Variants in ZNF546 observed in about 807,000 individuals in gnomAD.
ZNF546 encodes the protein zinc finger protein 546.
In ZNF546, 60 loss-of-function variants were observed where a neutral mutation model predicts 76.2. The ratio of observed to expected loss-of-function variants is 0.79; its 90% CI spans 0.64 to 0.98. The LOEUF is 0.98. Among genes scored for constraint, ZNF546 ranks in the 50% least tolerant of loss-of-function variants. ZNF546 has a pLI of 0.00. For missense variants in ZNF546, 936 were observed against 1,035.6 expected (o/e 0.90, Z 1.32); for synonymous variants, 277 against 328.1 (o/e 0.84, Z 1.68).
rs1186230239 is a variant in ZNF546 at position 40,017,966 on chromosome 19, C to CTTTTTTTTTTT, written c.*2204_*2214dup. 9 of 63,086 alleles carry CTTTTTTTTTTT rather than the reference C, an allele frequency of 1.4e-4. 2 individuals carry two copies. Among genetic ancestry groups the CTTTTTTTTTTT allele is most frequent in the Non-Finnish European group, 2.4e-4 (8 of 32,742 alleles). The allele number at this position is 63,086 out of a possible 1,614,324, so 3.9% of individuals were successfully genotyped here. A position where few individuals can be genotyped will look rare whatever the true frequency, so the allele number is the denominator to read the frequency against. ...CCCCACAACTTTATTGCAACATTGA[C>CTTTTTTTTTTT]TTTTTTTTTTTTTTTTTTTTTTTTT... On this transcript the variant is annotated 3_prime_UTR_variant, in exon 7 of 7. Transcript: ENST00000347077.
chr19:40,003,109 C>T (rs1971552219), intron 3 of ZNF546, among the ~76,000 whole-genome samples: 1 of 147,806 alleles, frequency 6.8e-6, no homozygotes, highest in South Asian at 2.1e-4. Flanking sequence ...AATCTCGGCT[C>T]ACTGCAAGCT....
At chr19:40,000,634 GAAAA>G (rs888690300) in intron 3 of ZNF546, among the ~76,000 whole-genome samples, 1 of 143,150 alleles carries the variant, frequency 7.0e-6, no homozygotes, top group Non-Finnish European at 1.5e-5. Flanking sequence ...AAAAAAAAAA[GAAAA>G]AGAAAAAGAA....
chr19:40,015,764 G>T lies in ZNF546; in HGVS notation c.2494G>T (p.Val832Phe). ...TCAGAGAAATCATATTAGTGAGGAAGTCCTATGCATAATGTAAAGAGAATA... is the reference window on the plus strand; with the variant it reads ...TCAGAGAAATCATATTAGTGAGGAATTCCTATGCATAATGTAAAGAGAATA... ...LHQRNHISEE[V>F]LCIM Residue 832 changes from valine (V) to phenylalanine (F), a missense_variant, in exon 7 of 7, where the codon GTC becomes TTC. Physicochemically the swap from Val to Phe is conservative, Grantham distance 50. Coordinates refer to ENST00000347077, the MANE Select transcript of ZNF546 (RefSeq NM_178544.5). 2 of 1,612,604 alleles carry T rather than the reference G, an allele frequency of 1.2e-6. No individual in the cohort carries two copies. The highest frequency in any genetic ancestry group is 1.7e-6 in the Non-Finnish European group (2 of 1,179,026).
chr19:40,008,639 A>T, intron 6 of ZNF546, 74 bp downstream of exon 6: 1 of 1,222,940 alleles, frequency 8.2e-7, no homozygotes, highest in South Asian at 1.4e-5. Context: ...GAGGCACAGC[A>T]CTGAGTTGTT....
chr19:40,014,444 A>C lies in ZNF546; in HGVS notation c.1174A>C (p.Lys392Gln), dbSNP rs1261922248. The C allele has an allele frequency of 6.2e-7, 1 of 1,614,168 alleles. No individual in the cohort carries two copies. Among genetic ancestry groups the C allele is most frequent in the East Asian group, 2.2e-5 (1 of 44,880 alleles). The change falls in exon 7 of 7, where the codon AAG becomes CAG. Residue 392 changes from lysine to glutamine, a missense_variant. Lys to Gln is a moderately conservative substitution (Grantham distance 53). Transcript: ENST00000347077. ...ACCCTATAAATGTAATGAATGTGGG[A>C]AGGCCTTTAGTCATGGCTCATACCT... ...VKPYKCNECG[K>Q]AFSHGSYLVQ...
chr19:40,011,797 C>T (rs1971674910), intron 6 of ZNF546, among the ~76,000 whole-genome samples: 1 of 152,220 alleles, frequency 6.6e-6, no homozygotes, highest in Non-Finnish European at 1.5e-5. Context: ...TCTTGGCATT[C>T]CTTGGCTTGC....
At chr19:40,013,518 C>T (rs1971697620) in intron 6 of ZNF546, 147 bp from the exon 7 acceptor site, 1 of 759,864 alleles carries the variant, frequency 1.3e-6, no homozygotes, top group Admixed American at 3.3e-5. Flanking sequence ...TTGAATCCTG[C>T]TCTAAACCAT....
At chr19:40,009,009 AGG>A (rs1971639892) in intron 6 of ZNF546, among the ~76,000 whole-genome samples, 1 of 152,226 alleles carries the variant, frequency 6.6e-6, no homozygotes, top group Non-Finnish European at 1.5e-5. Flanking sequence ...TATTATAGTA[AGG>A]GAAACATGTT....
At chr19:40,002,324 CTTTA>C (rs1481348010) in intron 3 of ZNF546, among the ~76,000 whole-genome samples, 1 of 152,068 alleles carries the variant, frequency 6.6e-6, no homozygotes, top group Non-Finnish European at 1.5e-5. Flanking sequence ...TCTTAATATG[CTTTA>C]ATAGCCACTT....
rs766174787 is a variant in ZNF546, at chr19:40,015,789, A to G, written c.*8A>G. On this transcript the variant is annotated 3_prime_UTR_variant, in exon 7 of 7. Transcript: ENST00000347077. ...GTCCTATGCATAATGTAAAGAGAAT[A>G]CGATGGCCTTTAGAAAATGCCCTTT... The G allele has an allele frequency of 1.2e-6, 2 of 1,611,606 alleles. No individual in the cohort carries two copies. Among genetic ancestry groups the G allele is most frequent in the African/African-American group, 2.7e-5 (2 of 74,812 alleles).
chr19:40,000,245 A>G (rs1971510655), intron 3 of ZNF546, among the ~76,000 whole-genome samples: 1 of 152,200 alleles, frequency 6.6e-6, no homozygotes, highest in Non-Finnish European at 1.5e-5. Flanking sequence ...CTTTTACAGG[A>G]CATAGCAATA....
chr19:40,003,281 C>G (rs1971555260), intron 3 of ZNF546, among the ~76,000 whole-genome samples: 1 of 151,956 alleles, frequency 6.6e-6, no homozygotes, highest in African/African-American at 2.4e-5. Context: ...TCGTGATCTG[C>G]CTGCCTCGGC....
rs1971715670 is a variant in ZNF546, at chr19:40,014,215, C to CT, written c.945_946insT (p.Leu316SerfsTer2). 5 of 1,612,856 alleles carry CT rather than the reference C, an allele frequency of 3.1e-6. No homozygotes were observed. The East Asian group carries it at 1.1e-4, about 36-fold the overall frequency. ...GGAAAGCCTTTAGTCGTGTTAGAGA[C>CT]CTTAGAGTACATCAGACAATTCATG... is the stretch of plus-strand genomic sequence containing the variant. On this transcript the variant is annotated frameshift_variant, in exon 7 of 7. Transcript: ENST00000347077. LOFTEE classifies it high-confidence loss of function.
intron 6 of ZNF546, among the ~76,000 whole-genome samples, chr19:40,010,617 AATTTATCATCC>A (rs1337672815): frequency 6.6e-6 from 1 of 152,122 alleles, no homozygotes; most frequent in Non-Finnish European, 1.5e-5. Flanking sequence ...TTTTATTCTT[AATTTATCATCC>A]ATATATCTTC....
At chr19:39,999,125 T>C (rs1287118174) in intron 3 of ZNF546, among the ~76,000 whole-genome samples, 1 of 152,228 alleles carries the variant, frequency 6.6e-6, no homozygotes, top group South Asian at 2.1e-4. Flanking sequence ...TAAAGACATT[T>C]AACAAGCATT....
chr19:40,014,333 A>G lies in ZNF546; in HGVS notation c.1063A>G (p.Arg355Gly), dbSNP rs1204532266. 2 of 1,614,100 alleles carry G rather than the reference A, an allele frequency of 1.2e-6. No homozygotes were observed. Among genetic ancestry groups the G allele is most frequent in the East Asian group, 2.2e-5 (1 of 44,858 alleles). ...TEHQRIHTGE[R>G]PYECKVCGKT... ...ACATCAAAGAATTCATACTGGTGAG[A>G]GGCCTTATGAATGTAAGGTTTGTGG... Residue 355 changes from arginine to glycine, a missense_variant, in exon 7 of 7, where the codon AGG becomes GGG. Physicochemically the swap from Arg to Gly is moderately radical, Grantham distance 125. Transcript: ENST00000347077.
intron 6 of ZNF546, among the ~76,000 whole-genome samples, chr19:40,010,274 G>T (rs946137920): frequency 6.6e-6 from 1 of 151,950 alleles, no homozygotes; most frequent in African/African-American, 2.4e-5. Flanking sequence ...ATAGTGACAG[G>T]CATCTGTAAT....
chr19:40,010,694 T>G (rs1039721980), intron 6 of ZNF546, among the ~76,000 whole-genome samples: 17 of 152,126 alleles, frequency 1.1e-4, no homozygotes. Context: ...CTTTCTTTCT[T>G]TTTTTTGAAA....
rs920812810 is a variant in ZNF546 at position 40,017,010 on chromosome 19, T to G, written c.*1229T>G. 8 of 152,170 alleles carry G rather than the reference T, an allele frequency of 5.3e-5. No homozygotes were observed. The highest frequency in any genetic ancestry group is 1.9e-4 in the African/African-American group (8 of 41,434). The allele number at this position is 152,170 out of a possible 1,614,324, so 9.4% of individuals were successfully genotyped here. A position where few individuals can be genotyped will look rare whatever the true frequency, so the allele number is the denominator to read the frequency against. On this transcript the variant is annotated 3_prime_UTR_variant, in exon 7 of 7. Coordinates refer to ENST00000347077, the MANE Select transcript of ZNF546 (RefSeq NM_178544.5). Reference sequence around the variant, plus strand: ...ATTTTATCAATAAATATTGCTTTATTTTTTTCATTGGGGATACATTTAGTA... The same window carrying G: ...ATTTTATCAATAAATATTGCTTTATGTTTTTCATTGGGGATACATTTAGTA...
Sources: allele counts gnomAD v4.1 joint callset (sites outside exome capture counted in the v4.1 genomes callset), GRCh38; gene constraint gnomAD v4.1.1; transcripts MANE v1.5; gene names NCBI Gene and HGNC (gene_info 2026-07-23, HGNC 2026-07-21).